CSMD1: variants seen among roughly 807,000 people sequenced by gnomAD.
CSMD1 encodes the protein CUB and Sushi multiple domains 1.
A neutral mutation model predicts 417.5 loss-of-function variants in CSMD1; 213 were observed. That is an observed-to-expected ratio of 0.51 (90% CI 0.46 to 0.57). The LOEUF (loss-of-function observed/expected upper bound fraction) is 0.57. Ranked by LOEUF, CSMD1 falls within the 20% of genes least tolerant of loss-of-function variation. The pLI, the probability that CSMD1 is intolerant of heterozygous loss-of-function variation, is 0.00. For synonymous variants in CSMD1, 2,862 were observed against 1,736.8 expected, an observed-to-expected ratio of 1.65 and a Z score of -16.11; for missense variants, 6,923 against 4,529.7, an observed-to-expected ratio of 1.53 and a Z score of -15.17.
intron 5 of CSMD1, among the ~76,000 whole-genome samples, chr8:3,798,488 T>C (rs1239563740): frequency 6.6e-6 from 1 of 152,066 alleles, no homozygotes; most frequent in Non-Finnish European, 1.5e-5. Context: ...GTGGATATAC[T>C]GCAGAAGGTC....
intron 7 of CSMD1, among the ~76,000 whole-genome samples, chr8:3,680,332 C>T (rs1585065243): frequency 1.3e-5 from 2 of 151,998 alleles, no homozygotes; most frequent in East Asian, 3.9e-4. Context: ...CAAATAGACG[C>T]AATAAAAAAT....
chr8:3,387,484 C>G lies in CSMD1; in HGVS notation c.2782+10G>C, dbSNP rs368060779. ...CCTGCTGGTGCATTGCCTCACTGAG[C>G]TGTACCTACCGTCGCAGCTGGGCAA... On this transcript the variant is annotated intron_variant, in intron 18 of 69. Transcript: ENST00000635120. The G allele has an allele frequency of 3.8e-6, 6 of 1,589,932 alleles. No individual in the cohort carries two copies. Among genetic ancestry groups the G allele is most frequent in the Non-Finnish European group, 5.1e-6 (6 of 1,167,874 alleles).
chr8:3,212,919 C>A (rs112174827), intron 30 of CSMD1, among the ~76,000 whole-genome samples: 6,351 of 150,996 alleles, frequency 0.042, 436 homozygotes, highest in African/African-American at 0.14. Context: ...ACCTCTGCCT[C>A]CCGGGTTCAA....
intron 26 of CSMD1, among the ~76,000 whole-genome samples, chr8:3,266,981 C>T (rs566450071): frequency 3.4e-4 from 52 of 152,214 alleles, no homozygotes; most frequent in African/African-American, 1.2e-3. Context: ...AAGGAGAAGA[C>T]AAACAAGCTG....
At chr8:3,090,707 C>T (rs1236075742) in intron 48 of CSMD1, among the ~76,000 whole-genome samples, 2 of 152,126 alleles carry the variant, frequency 1.3e-5, no homozygotes, top group Non-Finnish European at 1.5e-5. Flanking sequence ...GCATCTTTCA[C>T]GGGAAAACAT....
intron 3 of CSMD1, among the ~76,000 whole-genome samples, chr8:4,056,012 T>C (rs1302097052): frequency 1.3e-5 from 2 of 151,606 alleles, no homozygotes; most frequent in African/African-American, 4.8e-5. Flanking sequence ...AATTGTAGTC[T>C]ACACAGATTT....
chr8:3,645,320 A>T (rs1361181145), intron 7 of CSMD1, among the ~76,000 whole-genome samples: 1 of 152,220 alleles, frequency 6.6e-6, no homozygotes, highest in Non-Finnish European at 1.5e-5. Context: ...CAGCAGCTGC[A>T]ATTAAAACCT....
chr8:3,232,397 T>C (rs1798893828), intron 26 of CSMD1, among the ~76,000 whole-genome samples: 1 of 152,224 alleles, frequency 6.6e-6, no homozygotes, highest in African/African-American at 2.4e-5. Flanking sequence ...TTGGGAGTCA[T>C]CTACATTTAG....
At chr8:3,809,375 C>G (rs557534066) in intron 5 of CSMD1, among the ~76,000 whole-genome samples, 3 of 152,332 alleles carry the variant, frequency 2.0e-5, no homozygotes, top group Admixed American at 2.0e-4. Context: ...GTTCTACTCA[C>G]TAGGCTCTGT....
intron 5 of CSMD1, among the ~76,000 whole-genome samples, chr8:3,781,272 T>C (rs1471593): frequency 0.28 from 43,137 of 152,034 alleles, 6,761 homozygotes; most frequent in East Asian, 0.46. Flanking sequence ...ACAGAGTACA[T>C]GCCGAGAGAA....
At chr8:3,582,471 T>A (rs1239177218) in intron 9 of CSMD1, among the ~76,000 whole-genome samples, 2 of 152,064 alleles carry the variant, frequency 1.3e-5, no homozygotes, top group Non-Finnish European at 2.9e-5. Flanking sequence ...AGCCAGGAAG[T>A]GGGGCACAAC....
intron 3 of CSMD1, among the ~76,000 whole-genome samples, chr8:4,332,376 G>A (rs924353937): frequency 1.3e-5 from 2 of 152,046 alleles, no homozygotes; most frequent in Non-Finnish European, 2.9e-5. Flanking sequence ...TCAAATTAAC[G>A]ATTCCTACCA....
intron 23 of CSMD1, among the ~76,000 whole-genome samples, chr8:3,312,845 T>G (rs1805455795): frequency 6.6e-6 from 1 of 152,188 alleles, no homozygotes; most frequent in East Asian, 1.9e-4. Context: ...CTTTGACCCC[T>G]AGGCTGTTAC....
intron 2 of CSMD1, among the ~76,000 whole-genome samples, chr8:4,553,376 A>G (rs1797953061): frequency 6.6e-6 from 1 of 152,184 alleles, no homozygotes; most frequent in African/African-American, 2.4e-5. Flanking sequence ...AAACATTTAT[A>G]AGGCTTCATT....
At chr8:3,891,596 T>A (rs1036544916) in intron 5 of CSMD1, among the ~76,000 whole-genome samples, 2 of 152,002 alleles carry the variant, frequency 1.3e-5, no homozygotes, top group Non-Finnish European at 2.9e-5. Flanking sequence ...GATGCGAGGA[T>A]TGTTTGAGCC....
intron 7 of CSMD1, among the ~76,000 whole-genome samples, chr8:3,685,443 G>C (rs746576003): frequency 6.6e-6 from 1 of 152,162 alleles, no homozygotes. Context: ...TACTGCCAAG[G>C]AAGAAGGCTT....
intron 23 of CSMD1, among the ~76,000 whole-genome samples, chr8:3,310,789 T>C (rs1350627032): frequency 6.7e-6 from 1 of 150,082 alleles, no homozygotes; most frequent in African/African-American, 2.4e-5. Flanking sequence ...AACTGTGGGG[T>C]TCTGCACACA....
At chr8:4,276,137 T>C (rs922828538) in intron 3 of CSMD1, among the ~76,000 whole-genome samples, 5 of 152,152 alleles carry the variant, frequency 3.3e-5, no homozygotes, top group African/African-American at 9.6e-5. Flanking sequence ...ACCCAAAGGG[T>C]TATAAATCAT....
intron 27 of CSMD1, among the ~76,000 whole-genome samples, chr8:3,229,180 C>G (rs1798684544): frequency 6.6e-6 from 1 of 152,140 alleles, no homozygotes; most frequent in Admixed American, 6.6e-5. Context: ...CAAGGTCATC[C>G]TATGCAAAAT....
Sources: gnomAD v4.1 joint callset for allele counts (sites outside exome capture counted in the v4.1 genomes callset) on GRCh38, gnomAD v4.1.1 for gene constraint, MANE v1.5 for transcripts, NCBI Gene and HGNC (gene_info 2026-07-23, HGNC 2026-07-21) for gene names.